The following MSI2 variants were observed in gnomAD, a reference collection of about 807,000 sequenced individuals.
MSI2 encodes the protein RNA-binding protein Musashi homolog 2.
In MSI2, 17 loss-of-function variants were observed where a neutral mutation model predicts 45.6. The ratio of observed to expected loss-of-function variants is 0.37; its 90% confidence interval spans 0.26 to 0.56. MSI2 has a LOEUF of 0.56. Ranked by LOEUF, MSI2 falls within the 20% of genes least tolerant of loss-of-function variation. The pLI, the probability that MSI2 is intolerant of heterozygous loss-of-function variation, is 0.77. For synonymous variants in MSI2, 156 were observed against 158.2 expected (o/e 0.99, Z 0.11); for missense variants, 293 against 444.2 (o/e 0.66, Z 3.06).
intron 5 of MSI2, among the ~76,000 whole-genome samples, chr17:57,366,813 A>G (rs1477322730): frequency 6.6e-6 from 1 of 152,070 alleles, no homozygotes; most frequent in Non-Finnish European, 1.5e-5. Context: ...AATTGCACGT[A>G]ATTTACGGAG....
chr17:57,532,588 G>A (rs2086843797), intron 7 of MSI2, among the ~76,000 whole-genome samples: 1 of 152,206 alleles, frequency 6.6e-6, no homozygotes, highest in African/African-American at 2.4e-5. Context: ...TATATGGAGC[G>A]AGCCGGCCCC....
chr17:57,463,753 C>G (rs761957305), intron 6 of MSI2, among the ~76,000 whole-genome samples: 2 of 150,486 alleles, frequency 1.3e-5, no homozygotes, highest in Non-Finnish European at 3.0e-5. Context: ...ATCTGCTGTG[C>G]CCAGTCCAGA....
intron 5 of MSI2, among the ~76,000 whole-genome samples, chr17:57,317,387 A>C (rs1912934605): frequency 6.6e-6 from 1 of 152,220 alleles, no homozygotes; most frequent in South Asian, 2.1e-4. Flanking sequence ...GAAAGGCAGA[A>C]TATATGCACA....
chr17:57,412,002 G>A (rs952309301), intron 6 of MSI2, among the ~76,000 whole-genome samples: 6 of 151,432 alleles, frequency 4.0e-5, no homozygotes, highest in East Asian at 3.9e-4. Context: ...CCAAGACTCC[G>A]TCTGGGGGCG....
At chr17:57,419,849 C>A (rs1405874206) in intron 6 of MSI2, among the ~76,000 whole-genome samples, 1 of 152,178 alleles carries the variant, frequency 6.6e-6, no homozygotes, top group Admixed American at 6.5e-5. Flanking sequence ...GTCAGGACGC[C>A]GTGGACCCTG....
At chr17:57,443,830 G>A (rs191629344) in intron 6 of MSI2, among the ~76,000 whole-genome samples, 8 of 152,270 alleles carry the variant, frequency 5.3e-5, no homozygotes, top group African/African-American at 1.9e-4. Context: ...TTTGAGGACA[G>A]GGTGAGCACC....
chr17:57,298,743 A>C (rs1175165576), intron 5 of MSI2, among the ~76,000 whole-genome samples: 2 of 152,220 alleles, frequency 1.3e-5, no homozygotes, highest in African/African-American at 4.8e-5. Flanking sequence ...CATAATTCTT[A>C]AGGGCCCTAG....
chr17:57,455,739 T>A (rs1033483824), intron 6 of MSI2, among the ~76,000 whole-genome samples: 6 of 152,190 alleles, frequency 3.9e-5, no homozygotes, highest in South Asian at 4.1e-4. Context: ...GTTGGCCTCC[T>A]GTCTGCATGC....
intron 5 of MSI2, among the ~76,000 whole-genome samples, chr17:57,346,348 T>TA (rs1915602758): frequency 7.8e-6 from 1 of 128,342 alleles, no homozygotes; most frequent in African/African-American, 2.9e-5. Flanking sequence ...TAACACATTT[T>TA]GGGGGGGGGG....
intron 5 of MSI2, among the ~76,000 whole-genome samples, chr17:57,355,488 T>C (rs1916347976): frequency 6.6e-6 from 1 of 152,198 alleles, no homozygotes; most frequent in Non-Finnish European, 1.5e-5. Flanking sequence ...GTCTCCCTTA[T>C]TTTTCTCTTC....
intron 8 of MSI2, among the ~76,000 whole-genome samples, chr17:57,610,450 T>TTGGGGAACACTCACCGTTGACCCAGC (rs1567934848): frequency 2.6e-4 from 28 of 109,552 alleles, no homozygotes; most frequent in East Asian, 7.4e-4. Context: ...AGACTCCGTC[T>TTGGGGAACACTCACCGTTGACCCAGC]AAAAAAAAAA....
chr17:57,631,756 A>T (rs771181654), intron 10 of MSI2: 36 of 1,559,034 alleles, frequency 2.3e-5, no homozygotes, highest in Non-Finnish European at 3.0e-5. Flanking sequence ...ATTTCAGTTT[A>T]ATCTGTTAAT....
chr17:57,262,317 G>A (rs933378656), intron 5 of MSI2, 125 bp downstream of exon 5: 2 of 1,045,062 alleles, frequency 1.9e-6, no homozygotes, highest in Non-Finnish European at 2.9e-6. Flanking sequence ...GGGGTATCAG[G>A]ACAGGCTGGG....
intron 6 of MSI2, among the ~76,000 whole-genome samples, chr17:57,440,416 G>A (rs1284997017): frequency 1.3e-5 from 1 of 78,842 alleles, no homozygotes; most frequent in Non-Finnish European, 2.8e-5. Flanking sequence ...TGTTATCCGT[G>A]TGTGTGTGTG....
intron 6 of MSI2, among the ~76,000 whole-genome samples, chr17:57,507,344 G>A (rs1052245317): frequency 2.0e-5 from 3 of 151,784 alleles, no homozygotes; most frequent in African/African-American, 7.3e-5. Flanking sequence ...CAGATGCAGT[G>A]TGTCTTCTTC....
intron 10 of MSI2, among the ~76,000 whole-genome samples, chr17:57,648,040 G>A (rs1053186960): frequency 4.8e-4 from 73 of 151,988 alleles, no homozygotes; most frequent in Non-Finnish European, 8.7e-4. Flanking sequence ...TCGGCTCACT[G>A]CAACCTCCAC....
At position 57,596,847 on chromosome 17, in the gene MSI2, C is replaced by G; in HGVS notation, c.455-21C>G. The stretch of plus-strand genomic sequence containing the variant: ...CTCACCCCGCCTCTCTTTGTTTTTT[C>G]TTCTCTCTCTTTTCCTTTAGGGTTT... On this transcript the variant is annotated intron_variant, in intron 7 of 13. Transcript: ENST00000284073. The surrounding 1 kb of genome is among the most constrained non-coding windows in gnomAD (Gnocchi z 4.6). The G allele has an allele frequency of 6.3e-7, 1 of 1,593,566 alleles. No homozygotes were observed. Among genetic ancestry groups the G allele is most frequent in the Non-Finnish European group, 8.6e-7 (1 of 1,161,764 alleles).
At chr17:57,462,012 G>C (rs1328995677) in intron 6 of MSI2, among the ~76,000 whole-genome samples, 1 of 152,196 alleles carries the variant, frequency 6.6e-6, no homozygotes, top group East Asian at 1.9e-4. Flanking sequence ...AGTTTGGGAG[G>C]CCAGAAGTCC....
At chr17:57,585,699 A>G (rs1199008247) in intron 7 of MSI2, among the ~76,000 whole-genome samples, 3 of 152,182 alleles carry the variant, frequency 2.0e-5, no homozygotes, top group Non-Finnish European at 1.5e-5. Context: ...GGGGGTACCA[A>G]CCCAAAAACC....
Sources: allele counts gnomAD v4.1 joint callset (sites outside exome capture counted in the v4.1 genomes callset), GRCh38; gene constraint gnomAD v4.1.1; non-coding constraint Gnocchi (gnomAD v3.1); transcripts MANE v1.5; gene names NCBI Gene and HGNC (gene_info 2026-07-23, HGNC 2026-07-21).